Variants in ATP5MF observed in about 807,000 individuals in gnomAD.
ATP5MF encodes the protein ATP synthase F(0) complex subunit f, mitochondrial.
A neutral mutation model predicts 13.8 loss-of-function variants in ATP5MF; 10 were observed. The ratio of observed to expected loss-of-function variants is 0.72; its 90% CI spans 0.45 to 1.23. ATP5MF has a LOEUF of 1.23. ATP5MF is among the 50% of genes most tolerant of loss of function. The pLI, the probability that ATP5MF is intolerant of heterozygous loss-of-function variation, is 0.00. For missense variants in ATP5MF, 122 were observed against 118.2 expected (o/e 1.03, Z -0.15); for synonymous variants, 40 against 45.8 (o/e 0.87, Z 0.51).
chr7:99,462,475 A>C (rs1397335407), intron 1 of ATP5MF, among the ~76,000 whole-genome samples: 1 of 138,674 alleles, frequency 7.2e-6, no homozygotes, highest in African/African-American at 2.7e-5. Context: ...GTCAAAAACA[A>C]ACAAAAACCT....
At chr7:99,465,402 T>C (rs1584537468) in intron 1 of ATP5MF, among the ~76,000 whole-genome samples, 1 of 152,166 alleles carries the variant, frequency 6.6e-6, no homozygotes, top group Non-Finnish European at 1.5e-5. Flanking sequence ...TAAAATGGAA[T>C]CGACTTTCCC....
chr7:99,462,467 C>A (rs1393350141), intron 1 of ATP5MF, among the ~76,000 whole-genome samples: 1 of 144,702 alleles, frequency 6.9e-6, no homozygotes, highest in Non-Finnish European at 1.5e-5. Context: ...GAATCCGTGT[C>A]AAAAACAAAC....
At chr7:99,461,911 G>GC (rs923238538) in intron 1 of ATP5MF, among the ~76,000 whole-genome samples, 10 of 150,566 alleles carry the variant, frequency 6.6e-5, no homozygotes, top group African/African-American at 1.5e-4. Flanking sequence ...GCCCACCTCG[G>GC]CCCCCCAAAG....
At chr7:99,458,502 A>G (rs962881522) in intron 3 of ATP5MF, 147 bp from the exon 4 acceptor site, 2 of 796,320 alleles carry the variant, frequency 2.5e-6, no homozygotes, top group Non-Finnish European at 3.9e-6. Context: ...GTCTCTGCAG[A>G]ATCAGCAGAC....
intron 3 of ATP5MF, 144 bp from the exon 4 acceptor site, chr7:99,458,499 C>A: frequency 1.3e-6 from 1 of 790,012 alleles, no homozygotes; most frequent in Non-Finnish European, 2.0e-6. Context: ...GGTGTCTCTG[C>A]AGAATCAGCA....
At chr7:99,460,379 A>G (rs1798545897) in intron 1 of ATP5MF, 186 bp from the exon 2 acceptor site, 17 of 745,938 alleles carry the variant, frequency 2.3e-5, no homozygotes, top group Non-Finnish European at 4.6e-6. Flanking sequence ...CTGAGTCTAT[A>G]CAATAGCAGA....
intron 1 of ATP5MF, among the ~76,000 whole-genome samples, chr7:99,465,538 A>G (rs1221082333): frequency 6.6e-6 from 1 of 152,208 alleles, no homozygotes; most frequent in Non-Finnish European, 1.5e-5. Context: ...TGTCTCGGAA[A>G]AGCCTGCTAG....
chr7:99,460,399 G>A, intron 1 of ATP5MF: 1 of 721,194 alleles, frequency 1.4e-6, no homozygotes, highest in South Asian at 1.5e-5. Context: ...AACTGCTGCA[G>A]GGACAGCTTT....
chr7:99,466,073 T>C (rs771456308), intron 1 of ATP5MF, 38 bp downstream of exon 1: 1 of 1,614,042 alleles, frequency 6.2e-7, no homozygotes, highest in South Asian at 1.1e-5. Flanking sequence ...CCCTGGACCC[T>C]GGCTCCTGCT....
chr7:99,461,373 C>G (rs902952766), intron 1 of ATP5MF, among the ~76,000 whole-genome samples: 1 of 152,082 alleles, frequency 6.6e-6, no homozygotes, highest in Admixed American at 6.6e-5. Context: ...CCACACCCAG[C>G]TAATGATAAG....
intron 3 of ATP5MF, 58 bp downstream of exon 3, chr7:99,459,089 A>C: frequency 7.4e-7 from 1 of 1,347,266 alleles, no homozygotes; most frequent in Non-Finnish European, 1.1e-6. Context: ...ATCTAATGAA[A>C]TCAGTCACCA....
chr7:99,459,598 T>G (rs1367469729), intron 2 of ATP5MF: 1 of 292,936 alleles, frequency 3.4e-6, no homozygotes, highest in Non-Finnish European at 6.5e-6. Flanking sequence ...TGGTTTTTTT[T>G]ATAGAGATGG....
chr7:99,463,420 T>C lies in ATP5MF; in HGVS notation c.31+2691A>G, dbSNP rs571321381. Among the ~76,000 whole-genome samples, 8 of 152,220 alleles carry C rather than the reference T, an allele frequency of 5.3e-5. No homozygotes were observed. The South Asian group carries it at 1.7e-3, about 32-fold the overall frequency. On this transcript the variant is annotated intron_variant, in intron 1 of 3. Coordinates refer to ENST00000292475, the MANE Select transcript of ATP5MF (RefSeq NM_004889.5). ...AGTAATCCCAACACTTTGGCCGAGA[T>C]GGGAGGACTGCTTGAGGCCAGGAGT...
rs564655443 is a variant in ATP5MF, at chr7:99,460,322, C to T, written c.32-129G>A. On this transcript the variant is annotated intron_variant, in intron 1 of 3. Transcript: ENST00000292475. ...TGCAATTACACAGAGGCTGCACATA[C>T]ACAATATTATGAAGAAATATGTCAC... 42 of 1,002,960 alleles carry T rather than the reference C, an allele frequency of 4.2e-5. No individual in the cohort carries two copies. In the East Asian group the frequency reaches 1.0e-3, roughly 24 times the overall value. 62.1% of individuals were successfully genotyped at this position (1,002,960 alleles called of 1,614,324 possible).
chr7:99,464,531 C>T (rs994490549), intron 1 of ATP5MF, among the ~76,000 whole-genome samples: 8 of 152,090 alleles, frequency 5.3e-5, no homozygotes, highest in African/African-American at 1.7e-4. Flanking sequence ...GGCGGGGTGG[C>T]GGGCGCCTGT....
intron 1 of ATP5MF, among the ~76,000 whole-genome samples, chr7:99,465,577 C>T (rs552730006): frequency 6.6e-6 from 1 of 152,274 alleles, no homozygotes; most frequent in African/African-American, 2.4e-5. Flanking sequence ...GAATAAAGTT[C>T]ATTTACCACG....
intron 2 of ATP5MF, chr7:99,459,733 A>C: frequency 3.8e-6 from 1 of 263,330 alleles, no homozygotes; most frequent in Non-Finnish European, 7.3e-6. Context: ...CATTTCAAAT[A>C]TTTGTCCTGA....
chr7:99,460,462 G>T, intron 1 of ATP5MF: 1 of 674,986 alleles, frequency 1.5e-6, no homozygotes. Flanking sequence ...CTCCAGAAAA[G>T]GGTCTCGAAA....
Position 99,459,999 on chromosome 7 carries a change from T to C in ATP5MF, c.139+87A>G, listed in dbSNP as rs1235454533. 5.5e-6 allele frequency: 8 copies of C among 1,467,404 alleles called. No homozygotes were observed. In the Admixed American group the frequency reaches 1.8e-4, roughly 33 times the overall value. 90.9% of individuals were successfully genotyped at this position (1,467,404 alleles called of 1,614,324 possible). ...CTTACTGCTTTCAGACAACAAGGCC[T>C]TCATTGCCCAAATTAATTCATGGCA... On this transcript the variant is annotated intron_variant, in intron 2 of 3. Coordinates refer to ENST00000292475, the MANE Select transcript of ATP5MF (RefSeq NM_004889.5).
Sources: gnomAD v4.1 joint callset for allele counts (sites outside exome capture counted in the v4.1 genomes callset) on GRCh38, gnomAD v4.1.1 for gene constraint, MANE v1.5 for transcripts, NCBI Gene and HGNC (gene_info 2026-07-23, HGNC 2026-07-21) for gene names.